Variants in LMCD1 observed in about 807,000 individuals in gnomAD.
LMCD1 encodes the protein LIM and cysteine-rich domains protein 1.
Under a neutral mutation model 42.7 loss-of-function variants are expected in LMCD1, and 32 were observed. The observed-to-expected ratio is 0.75, with a 90% confidence interval of 0.57 to 1.01. The LOEUF (loss-of-function observed/expected upper bound fraction) is 1.01, where lower values mean the gene tolerates loss of function less well. LMCD1 is among the 50% of genes least tolerant of loss of function. The pLI is 0.00. For synonymous variants in LMCD1, 178 were observed against 184.9 expected (o/e 0.96, Z 0.30); for missense variants, 458 against 483.1 (o/e 0.95, Z 0.49).
chr3:8,532,905 G>T (rs531232108), intron 2 of LMCD1, 80 bp downstream of exon 2: 2 of 1,122,854 alleles, frequency 1.8e-6, no homozygotes, highest in African/African-American at 1.5e-5. Context: ...TGCTTTCTTC[G>T]CTGAGACTGC....
chr3:8,536,315 C>T (rs1408736571), intron 2 of LMCD1, among the ~76,000 whole-genome samples: 3 of 152,210 alleles, frequency 2.0e-5, no homozygotes, highest in Non-Finnish European at 2.9e-5. Flanking sequence ...TTTCCTCTCA[C>T]GCCGTGGAAC....
At chr3:8,506,296 T>G (rs537264145) in intron 1 of LMCD1, among the ~76,000 whole-genome samples, 13 of 152,276 alleles carry the variant, frequency 8.5e-5, no homozygotes, top group Admixed American at 8.5e-4. Flanking sequence ...TCCTACGAGT[T>G]GGAAAGTGGA....
At chr3:8,526,021 AG>A (rs1291812815) in intron 1 of LMCD1, among the ~76,000 whole-genome samples, 1 of 152,210 alleles carries the variant, frequency 6.6e-6, no homozygotes, top group Non-Finnish European at 1.5e-5. Flanking sequence ...CCTGGGAGGT[AG>A]GTAGAACTAT....
At chr3:8,559,173 A>G (rs983702875) in intron 4 of LMCD1, among the ~76,000 whole-genome samples, 37 of 152,138 alleles carry the variant, frequency 2.4e-4, no homozygotes, top group African/African-American at 8.7e-4. Flanking sequence ...ATAGGGGAAA[A>G]AATAGAGCTC....
rs1559342023 is a variant in LMCD1, at chr3:8,502,297, TA to T, written c.42+318del. Among the ~76,000 whole-genome samples the T allele has an allele frequency of 5.5e-3, 49 of 8,972 alleles. 1 individual carries two copies. Among genetic ancestry groups the T allele is most frequent in the African/African-American group, 0.02 (48 of 2,458 alleles). The allele number at this position is 8,972 out of a possible 152,430, so 5.9% of individuals were successfully genotyped here. A position where few individuals can be genotyped will look rare whatever the true frequency, so the allele number is the denominator to read the frequency against. ...TATATAAAATATATATAATATATATTATATATAATATATAAAATATATATTA... is the reference window on the plus strand; with the variant it reads ...TATATAAAATATATATAATATATATTTATATAATATATAAAATATATATTA... On this transcript the variant is annotated intron_variant, in intron 1 of 5. Coordinates refer to ENST00000157600, the MANE Select transcript of LMCD1 (RefSeq NM_014583.4).
rs1695253008 is a variant in LMCD1 at position 8,573,514 on chromosome 3, T to C, written c.*5916T>C. Reference sequence around the variant, plus strand: ...GGCTCCAAATGTTTGGCTTCAAATATGAAAAAGTTACATGAAAGATGAAAC... The same window carrying C: ...GGCTCCAAATGTTTGGCTTCAAATACGAAAAAGTTACATGAAAGATGAAAC... On this transcript the variant is annotated 3_prime_UTR_variant, in exon 6 of 6. Coordinates refer to ENST00000157600, the MANE Select transcript of LMCD1 (RefSeq NM_014583.4). 1 of 152,230 alleles carries C rather than the reference T, an allele frequency of 6.6e-6. No individual in the cohort carries two copies. Among genetic ancestry groups the C allele is most frequent in the African/African-American group, 2.4e-5 (1 of 41,458 alleles). The allele number at this position is 152,230 out of a possible 1,614,324, so 9.4% of individuals were successfully genotyped here.
chr3:8,511,590 C>T (rs369916143), intron 1 of LMCD1, among the ~76,000 whole-genome samples: 1 of 152,174 alleles, frequency 6.6e-6, no homozygotes, highest in Non-Finnish European at 1.5e-5. Flanking sequence ...TGTTGAAAGA[C>T]AAGGATGAAT....
At chr3:8,552,498 C>A (rs924416977) in intron 4 of LMCD1, among the ~76,000 whole-genome samples, 1 of 152,142 alleles carries the variant, frequency 6.6e-6, no homozygotes, top group Admixed American at 6.5e-5. Context: ...AGGCTGGGTC[C>A]CCTTCCAGAG....
chr3:8,538,022 C>A (rs1694544085), intron 3 of LMCD1, among the ~76,000 whole-genome samples: 1 of 152,186 alleles, frequency 6.6e-6, no homozygotes, highest in South Asian at 2.1e-4. Context: ...GTGACTCACA[C>A]AAGGTTACAC....
At chr3:8,515,072 C>T in intron 1 of LMCD1, 1 of 455,030 alleles carries the variant, frequency 2.2e-6, no homozygotes, top group South Asian at 1.6e-5. Context: ...GATATGTATC[C>T]AGGCAGCAGA....
intron 4 of LMCD1, among the ~76,000 whole-genome samples, chr3:8,557,626 G>A (rs1694949599): frequency 1.3e-5 from 2 of 152,094 alleles, no homozygotes; most frequent in African/African-American, 4.8e-5. Flanking sequence ...AGTAACCCTT[G>A]GCCATTGTCC....
intron 1 of LMCD1, among the ~76,000 whole-genome samples, chr3:8,523,527 A>C (rs1042930108): frequency 2.6e-5 from 4 of 152,234 alleles, no homozygotes; most frequent in Non-Finnish European, 5.9e-5. Context: ...GTGGGCTGCA[A>C]GTCTCACTCT....
intron 4 of LMCD1, among the ~76,000 whole-genome samples, chr3:8,558,035 G>A (rs995183161): frequency 2.6e-5 from 4 of 152,192 alleles, no homozygotes; most frequent in Non-Finnish European, 5.9e-5. Context: ...TTTCCTGTCA[G>A]CTGAGGGCTC....
intron 1 of LMCD1, among the ~76,000 whole-genome samples, chr3:8,525,182 A>G (rs566127092): frequency 1.3e-5 from 2 of 152,304 alleles, no homozygotes; most frequent in South Asian, 2.1e-4. Context: ...CCCTTTGACC[A>G]ACATCCTCCC....
Position 8,501,911 on chromosome 3 carries a change from A to G in LMCD1, c.-28A>G. The stretch of plus-strand genomic sequence containing the variant: ...CCCTCGCGCCTCTGCCTGAGAAGCC[A>G]GGCGCTGTTCCCCCACCCCAGAAGA... On this transcript the variant is annotated 5_prime_UTR_variant, in exon 1 of 6. Transcript: ENST00000157600. The G allele has an allele frequency of 6.3e-7, 1 of 1,582,900 alleles. No homozygotes were observed. Among genetic ancestry groups the G allele is most frequent in the Non-Finnish European group, 8.6e-7 (1 of 1,166,228 alleles).
chr3:8,550,411 A>T, intron 4 of LMCD1: 2 of 984,400 alleles, frequency 2.0e-6, no homozygotes. Context: ...CAGGCGACCC[A>T]GGGAAATGCC....
At chr3:8,537,101 C>T (rs1293411468) in intron 2 of LMCD1, 84 bp from the exon 3 acceptor site, 3 of 1,468,098 alleles carry the variant, frequency 2.0e-6, no homozygotes, top group African/African-American at 2.8e-5. Flanking sequence ...AGCTTGCTTT[C>T]AAAAGGGTAG....
chr3:8,520,451 G>C (rs897755722), intron 1 of LMCD1, among the ~76,000 whole-genome samples: 1 of 152,178 alleles, frequency 6.6e-6, no homozygotes, highest in African/African-American at 2.4e-5. Flanking sequence ...GAAGACACTA[G>C]GCCTGGGGAC....
At chr3:8,512,776 T>A (rs1299297351) in intron 1 of LMCD1, among the ~76,000 whole-genome samples, 1 of 152,246 alleles carries the variant, frequency 6.6e-6, no homozygotes, top group Non-Finnish European at 1.5e-5. Flanking sequence ...TAAAATTAAC[T>A]TTTAAGAGGT....
Sources: allele counts gnomAD v4.1 joint callset (sites outside exome capture counted in the v4.1 genomes callset), GRCh38; gene constraint gnomAD v4.1.1; transcripts MANE v1.5; gene names NCBI Gene and HGNC (gene_info 2026-07-23, HGNC 2026-07-21).